The following TTC4 variants were observed in gnomAD, a reference collection of about 807,000 sequenced individuals.
TTC4 encodes the protein tetratricopeptide repeat domain 4.
TTC4 carries 36 observed loss-of-function variants against 51.9 expected under a neutral mutation model. The observed-to-expected ratio is 0.69, with a 90% confidence interval of 0.53 to 0.92. The LOEUF is 0.92. TTC4 is among the 40% of genes least tolerant of loss of function. The pLI, the probability that TTC4 is intolerant of heterozygous loss-of-function variation, is 0.00. For missense variants in TTC4, 399 were observed against 454.6 expected (o/e 0.88, Z 1.11); for synonymous variants, 144 against 164.2 (o/e 0.88, Z 0.94).
chr1:54,716,814 C>T lies in TTC4; in HGVS notation c.229+97C>T, dbSNP rs956288028. 7.5e-6 allele frequency: 7 copies of T among 930,614 alleles called. No homozygotes were observed. In the African/African-American group the frequency reaches 9.9e-5, roughly 13 times the overall value. The allele number at this position is 930,614 out of a possible 1,614,324, so 57.6% of individuals were successfully genotyped here. ...TGATTGATAACAAGAAGTAGTTAGC[C>T]TGAGCTAACTTGTCATTATTCATTC... On this transcript the variant is annotated intron_variant, in intron 2 of 9. Coordinates refer to ENST00000371281, the MANE Select transcript of TTC4 (RefSeq NM_004623.5).
intron 3 of TTC4, among the ~76,000 whole-genome samples, chr1:54,718,277 G>A (rs988706379): frequency 6.6e-6 from 1 of 152,092 alleles, no homozygotes; most frequent in African/African-American, 2.4e-5. Flanking sequence ...GGAGGCTGAG[G>A]CACGAGGATC....
intron 6 of TTC4, 135 bp downstream of exon 6, chr1:54,728,567 A>G (rs1645828055): frequency 2.3e-6 from 2 of 867,766 alleles, no homozygotes; most frequent in Non-Finnish European, 1.7e-6. Flanking sequence ...AAGCAGTGTG[A>G]CAGAGGAGAC....
At chr1:54,737,394 T>G in intron 8 of TTC4, 188 bp from the exon 9 acceptor site, 1 of 551,170 alleles carries the variant, frequency 1.8e-6, no homozygotes, top group East Asian at 3.1e-5. Context: ...AAGATGGAAC[T>G]GATAATAGCC....
chr1:54,719,385 A>G (rs1210576336), intron 3 of TTC4, among the ~76,000 whole-genome samples: 2 of 152,220 alleles, frequency 1.3e-5, no homozygotes, highest in African/African-American at 4.8e-5. Context: ...TAAGCCTGAT[A>G]CATCAGTTAC....
At chr1:54,738,582 G>C (rs1329083582) in intron 9 of TTC4, among the ~76,000 whole-genome samples, 1 of 151,880 alleles carries the variant, frequency 6.6e-6, no homozygotes. Flanking sequence ...TAACACTCCA[G>C]ACCAGGGGAG....
chr1:54,717,787 G>A, intron 3 of TTC4, 134 bp downstream of exon 3: 1 of 771,512 alleles, frequency 1.3e-6, no homozygotes, highest in Non-Finnish European at 1.9e-6. Context: ...TACTCTGATT[G>A]AACTCTGGTC....
chr1:54,716,532 T>A, intron 1 of TTC4, 68 bp from the exon 2 acceptor site: 1 of 1,268,550 alleles, frequency 7.9e-7, no homozygotes, highest in Non-Finnish European at 1.1e-6. Flanking sequence ...ACTTTGGTAA[T>A]GAGTCATGGA....
rs1473053403 is a variant in TTC4, at chr1:54,736,229, A to T, written c.979-1353A>T. Among the ~76,000 whole-genome samples, 528 of 118,274 alleles carry T rather than the reference A, an allele frequency of 4.5e-3. 36 individuals carry two copies. The highest frequency in any genetic ancestry group is 0.02 in the African/African-American group (478 of 23,526). 77.6% of individuals were successfully genotyped at this position (118,274 alleles called of 152,430 possible). A position where few individuals can be genotyped will look rare whatever the true frequency, so the allele number is the denominator to read the frequency against. On this transcript the variant is annotated intron_variant, in intron 8 of 9. Transcript: ENST00000371281. ...GAGAGAGAGAGAGAGAGAGAAGAGG[A>T]GAGGAGAGAGAAGAGAGGAGAGAGG...
In TTC4 at chr1:54,722,903, C is replaced by T. The variant is rs138693655; in HGVS notation, c.594+104C>T. ...TTGTAAACTTTTTAAAAACAAAACC[C>T]AAAACTAGTCCCTACTCCTGGAACT... On this transcript the variant is annotated intron_variant, in intron 5 of 9. Transcript: ENST00000371281. The T allele has an allele frequency of 2.7e-4, 388 of 1,459,556 alleles. 1 individual carries two copies. The Middle Eastern group carries it at 7.9e-3, about 30-fold the overall frequency. 90.4% of individuals were successfully genotyped at this position (1,459,556 alleles called of 1,614,324 possible). A position where few individuals can be genotyped will look rare whatever the true frequency, so the allele number is the denominator to read the frequency against.
chr1:54,720,436 A>C (rs1645729418), intron 3 of TTC4, among the ~76,000 whole-genome samples: 1 of 144,274 alleles, frequency 6.9e-6, no homozygotes, highest in Admixed American at 7.1e-5. Flanking sequence ...GTGACTGCAT[A>C]CTTTTTTTTT....
At chr1:54,719,579 G>A (rs1278574777) in intron 3 of TTC4, among the ~76,000 whole-genome samples, 1 of 146,316 alleles carries the variant, frequency 6.8e-6, no homozygotes. Flanking sequence ...TGTTCTTCCA[G>A]TTTGATATTC....
rs1645738488 is a variant in TTC4 at position 54,721,079 on chromosome 1, A to G, written c.392-84A>G. The G allele has an allele frequency of 1.1e-5, 14 of 1,280,732 alleles. No individual in the cohort carries two copies. The South Asian group carries it at 1.4e-4, about 12-fold the overall frequency. The allele number at this position is 1,280,732 out of a possible 1,614,324, so 79.3% of individuals were successfully genotyped here. On this transcript the variant is annotated intron_variant, in intron 3 of 9. Coordinates refer to ENST00000371281, the MANE Select transcript of TTC4 (RefSeq NM_004623.5). ...ATTTGTATTTCCCCAGGATTGTACA[A>G]GAGTGTCTTTGTCACTACATATAAA...
chr1:54,729,683 G>A (rs532413587), intron 6 of TTC4, among the ~76,000 whole-genome samples: 1 of 151,534 alleles, frequency 6.6e-6, no homozygotes, highest in East Asian at 1.9e-4. Context: ...AGATTGTTTG[G>A]TCTTAACAAA....
chr1:54,725,409 C>T (rs1645787546), intron 5 of TTC4, among the ~76,000 whole-genome samples: 1 of 152,262 alleles, frequency 6.6e-6, no homozygotes, highest in East Asian at 1.9e-4. Context: ...CCGAAAAGCT[C>T]CAGTATTCCT....
intron 3 of TTC4, among the ~76,000 whole-genome samples, chr1:54,720,437 C>CTT (rs67813981): frequency 7.8e-6 from 1 of 128,760 alleles, no homozygotes; most frequent in Non-Finnish European, 1.7e-5. Context: ...TGACTGCATA[C>CTT]TTTTTTTTTT....
At chr1:54,723,732 A>G (rs775173866) in intron 5 of TTC4, among the ~76,000 whole-genome samples, 3 of 152,202 alleles carry the variant, frequency 2.0e-5, no homozygotes, top group Non-Finnish European at 4.4e-5. Context: ...GGTTTAACGT[A>G]AGGAATGTTT....
At chr1:54,725,012 A>G (rs1054295628) in intron 5 of TTC4, among the ~76,000 whole-genome samples, 13 of 152,150 alleles carry the variant, frequency 8.5e-5, no homozygotes, top group African/African-American at 3.1e-4. Flanking sequence ...CTCCAGTTCC[A>G]CAGTAGCCTT....
Position 54,715,887 on chromosome 1 carries a change from G to A in TTC4, c.-22G>A. On this transcript the variant is annotated 5_prime_UTR_variant, in exon 1 of 10. Coordinates refer to ENST00000371281, the MANE Select transcript of TTC4 (RefSeq NM_004623.5). ...CTCGCTTCACGGCGCTGGGACCCGG[G>A]CTGGAAGGCAGGGCATCAGCTATGG... 1.9e-6 allele frequency: 3 copies of A among 1,578,716 alleles called. No individual in the cohort carries two copies. Among genetic ancestry groups the A allele is most frequent in the Non-Finnish European group, 2.6e-6 (3 of 1,158,766 alleles).
rs956367069 is a variant in TTC4 at position 54,742,428 on chromosome 1, C to T, written c.*915C>T. The T allele has an allele frequency of 2.0e-5, 3 of 152,284 alleles. No individual in the cohort carries two copies. Among genetic ancestry groups the T allele is most frequent in the African/African-American group, 7.2e-5 (3 of 41,466 alleles). The allele number at this position is 152,284 out of a possible 1,614,324, so 9.4% of individuals were successfully genotyped here. A position where few individuals can be genotyped will look rare whatever the true frequency, so the allele number is the denominator to read the frequency against. ...GAGCTGTCCTGCGTCTGACAGAAGC[C>T]TGAAGAGTCATGTGTGGTTGGCCTG... is the stretch of plus-strand genomic sequence containing the variant. On this transcript the variant is annotated 3_prime_UTR_variant, in exon 10 of 10. Transcript: ENST00000371281.
Sources: allele counts gnomAD v4.1 joint callset (sites outside exome capture counted in the v4.1 genomes callset), GRCh38; gene constraint gnomAD v4.1.1; transcripts MANE v1.5; gene names NCBI Gene and HGNC (gene_info 2026-07-23, HGNC 2026-07-21).